Variants in TPCN2 observed in about 807,000 individuals in gnomAD.
TPCN2 encodes two pore segment channel 2.
In TPCN2, 92 loss-of-function variants were observed where a neutral mutation model predicts 111.4. The observed-to-expected ratio is 0.83, with a 90% confidence interval of 0.70 to 0.98. TPCN2 has a LOEUF of 0.98. Ranked by LOEUF, TPCN2 falls within the 50% of genes least tolerant of loss-of-function variation. TPCN2 has a pLI of 0.00. For synonymous variants in TPCN2, 405 were observed against 414.5 expected (o/e 0.98, Z 0.28); for missense variants, 995 against 980.1 (o/e 1.02, Z -0.20).
chr11:69,073,236 G>T (rs1031915248), intron 13 of TPCN2, among the ~76,000 whole-genome samples: 2 of 152,252 alleles, frequency 1.3e-5, no homozygotes, highest in Non-Finnish European at 2.9e-5. Context: ...ACATGAAGGA[G>T]TCTTCCAAAT....
At chr11:69,087,851 G>A (rs780223069) in intron 24 of TPCN2, 24 bp from the exon 25 acceptor site, 4 of 1,605,066 alleles carry the variant, frequency 2.5e-6, no homozygotes, top group Non-Finnish European at 3.4e-6. Context: ...AGGCCCCTGT[G>A]TGCATCTTTC....
chr11:69,053,958 C>A, intron 1 of TPCN2, 75 bp from the exon 2 acceptor site: 1 of 1,323,906 alleles, frequency 7.6e-7, no homozygotes, highest in South Asian at 1.2e-5. Context: ...GGCATCTTTC[C>A]TTGATCACGG....
At chr11:69,078,194 T>C (rs1855871197) in intron 13 of TPCN2, among the ~76,000 whole-genome samples, 2 of 152,056 alleles carry the variant, frequency 1.3e-5, no homozygotes, top group Admixed American at 1.3e-4. Context: ...GGTGACACTT[T>C]GCGTATGTTT....
chr11:69,072,633 G>A lies in TPCN2; in HGVS notation c.1068G>A (p.Gly356=), dbSNP rs1345268600. The change falls in exon 12 of 25, where the codon GGG becomes GGA. Residue 356 remains glycine, a synonymous_variant. Coordinates refer to ENST00000294309, the MANE Select transcript of TPCN2 (RefSeq NM_139075.4). The part of the protein sequence containing the change: ...GEGGAFPQAV[G]VKPQNLLQVL... Reference sequence around the variant, plus strand: ...TGTGGGTTTTTCCCTGCAGAGTTGGGGTGAAGCCCCAGAACTTGCTGCAGG... The same window carrying A: ...TGTGGGTTTTTCCCTGCAGAGTTGGAGTGAAGCCCCAGAACTTGCTGCAGG... 1.9e-6 allele frequency: 3 copies of A among 1,613,910 alleles called. No homozygotes were observed. Among genetic ancestry groups the A allele is most frequent in the African/African-American group, 1.3e-5 (1 of 75,034 alleles).
At chr11:69,078,683 G>C in intron 14 of TPCN2, 51 bp from the exon 15 acceptor site, 1 of 1,613,370 alleles carries the variant, frequency 6.2e-7, no homozygotes, top group African/African-American at 1.3e-5. Context: ...CTCCTGCCTC[G>C]CCCAGCGCTG....
At chr11:69,059,845 C>T (rs896333855) in intron 5 of TPCN2, among the ~76,000 whole-genome samples, 1 of 152,206 alleles carries the variant, frequency 6.6e-6, no homozygotes, top group Non-Finnish European at 1.5e-5. Context: ...GGGGCTGTCT[C>T]GGGCTGGTAC....
At chr11:69,067,708 CT>C in intron 8 of TPCN2, 103 bp downstream of exon 8, 18 of 933,664 alleles carry the variant, frequency 1.9e-5, no homozygotes, top group Admixed American at 4.7e-5. Flanking sequence ...TTTCTGAGGC[CT>C]TTTTTTCGAT....
At chr11:69,057,433 C>A in intron 4 of TPCN2, 145 bp from the exon 5 acceptor site, 1 of 758,816 alleles carries the variant, frequency 1.3e-6, no homozygotes, top group Non-Finnish European at 2.3e-6. Flanking sequence ...CTCCTGACTG[C>A]TGCTCTGCGT....
chr11:69,063,839 A>G (rs1855133850), intron 6 of TPCN2, 56 bp from the exon 7 acceptor site: 2 of 1,546,680 alleles, frequency 1.3e-6, no homozygotes, highest in Non-Finnish European at 1.8e-6. Flanking sequence ...CAGGCAGGTC[A>G]GGTGTCCCTG....
intron 10 of TPCN2, 55 bp downstream of exon 10, chr11:69,071,475 G>C: frequency 6.5e-7 from 1 of 1,531,164 alleles, no homozygotes; most frequent in Non-Finnish European, 9.0e-7. Context: ...GGCCAAGCAG[G>C]GTGTGGCTTG....
chr11:69,073,006 CTG>C lies in TPCN2; in HGVS notation c.1230+6_1230+7del, dbSNP rs761302510. The stretch of plus-strand genomic sequence containing the variant: ...GACAGAAGTGTGGTTAAAGAGGTAA[CTG>C]GGGCCACAGCCGCCCAGGGTGGATA... On this transcript the variant is annotated splice_donor_region_variant and intron_variant, in intron 13 of 24. Coordinates refer to ENST00000294309, the MANE Select transcript of TPCN2 (RefSeq NM_139075.4). 4.3e-6 allele frequency: 7 copies of C among 1,612,400 alleles called. No individual in the cohort carries two copies. In the Admixed American group the frequency reaches 5.0e-5, roughly 12 times the overall value.
intron 7 of TPCN2, 71 bp downstream of exon 7, chr11:69,064,038 GGTGT>G: frequency 6.9e-7 from 1 of 1,459,430 alleles, no homozygotes; most frequent in Non-Finnish European, 9.6e-7. Context: ...GGGCTGGGCT[GGTGT>G]CTGCTGCCCT....
chr11:69,071,074 G>A (rs531169596), intron 9 of TPCN2, among the ~76,000 whole-genome samples: 26 of 142,404 alleles, frequency 1.8e-4, no homozygotes, highest in African/African-American at 6.9e-4. Flanking sequence ...TCACCCCAGG[G>A]ATCCCCCATG....
At chr11:69,072,276 G>T (rs1197033101) in intron 11 of TPCN2, among the ~76,000 whole-genome samples, 6 of 152,148 alleles carry the variant, frequency 3.9e-5, no homozygotes, top group Non-Finnish European at 7.3e-5. Context: ...CGGCCTTCTT[G>T]TCCCCCTTTG....
chr11:69,055,730 T>C (rs1256152562), intron 4 of TPCN2, among the ~76,000 whole-genome samples: 2 of 151,644 alleles, frequency 1.3e-5, no homozygotes, highest in African/African-American at 4.9e-5. Flanking sequence ...CTCCTCCCTC[T>C]CCACCATGCA....
intron 18 of TPCN2, among the ~76,000 whole-genome samples, chr11:69,083,443 G>A (rs1419597737): frequency 6.6e-6 from 1 of 152,206 alleles, no homozygotes. Flanking sequence ...GCTCTTTGGA[G>A]CCGGGGCCTC....
In TPCN2 at chr11:69,083,900, G is replaced by A. The variant is rs1285656300; in HGVS notation, c.1690-45G>A. On this transcript the variant is annotated intron_variant, in intron 18 of 24. Transcript: ENST00000294309. ...GGTGGGCCGGGATGGTGTCCCCTCAGTGGGGCCAGGAGGAGTAAGGGCTGT... is the reference window on the plus strand; with the variant it reads ...GGTGGGCCGGGATGGTGTCCCCTCAATGGGGCCAGGAGGAGTAAGGGCTGT... 3 of 1,587,942 alleles carry A rather than the reference G, an allele frequency of 1.9e-6. No individual in the cohort carries two copies. In the East Asian group the frequency reaches 6.7e-5, roughly 35 times the overall value.
chr11:69,071,444 C>T, intron 10 of TPCN2, 24 bp downstream of exon 10: 5 of 1,607,878 alleles, frequency 3.1e-6, no homozygotes, highest in Non-Finnish European at 4.3e-6. Context: ...CCAATGCTGG[C>T]TGTGCCTGGA....
intron 13 of TPCN2, among the ~76,000 whole-genome samples, chr11:69,075,588 C>T (rs1249730542): frequency 3.9e-5 from 6 of 152,224 alleles, no homozygotes; most frequent in Admixed American, 1.3e-4. Flanking sequence ...GAGGCAGATG[C>T]TTCTGGGATT....
Sources: allele counts gnomAD v4.1 joint callset (sites outside exome capture counted in the v4.1 genomes callset), GRCh38; gene constraint gnomAD v4.1.1; transcripts MANE v1.5; gene names NCBI Gene and HGNC (gene_info 2026-07-23, HGNC 2026-07-21).